The following R3HDM2 variants were observed in gnomAD, a reference collection of about 807,000 sequenced individuals.
The protein encoded by R3HDM2 is R3H domain-containing protein 2.
Under a neutral mutation model 124.5 loss-of-function variants are expected in R3HDM2, and 38 were observed. That is an observed-to-expected ratio of 0.31 (90% confidence interval 0.24 to 0.40). The LOEUF is 0.40. R3HDM2 is among the 10% of genes least tolerant of loss of function. The probability of loss-of-function intolerance (pLI) is 1.00; values close to 1 mark genes in which losing one functional copy is unlikely to be tolerated. For synonymous variants in R3HDM2, 391 were observed against 448.0 expected (o/e 0.87, Z 1.61); for missense variants, 869 against 1,236.9 (o/e 0.70, Z 4.46).
chr12:57,297,439 CAT>C, intron 7 of R3HDM2, 52 bp from the exon 8 acceptor site: 1 of 1,176,014 alleles, frequency 8.5e-7, no homozygotes, highest in Non-Finnish European at 1.2e-6. Context: ...GCAGCCCTCC[CAT>C]AGACATTGAA....
chr12:57,296,437 G>A lies in R3HDM2; in HGVS notation c.675C>T (p.Ile225=). The A allele has an allele frequency of 1.3e-6, 2 of 1,552,282 alleles. No individual in the cohort carries two copies. Among genetic ancestry groups the A allele is most frequent in the Non-Finnish European group, 8.7e-7 (1 of 1,147,122 alleles). ...TTCTTGTGTTACTAGTTTTGTTGAT[G>A]ATGACAGCTTTCCCAGTTTGATCAA... ...HNVDQTGKAV[I]INKTSNTRIP... The change falls in exon 9 of 24, where the codon ATC becomes ATT. Residue 225 remains isoleucine, a synonymous_variant. Transcript: ENST00000402412. The surrounding 1 kb of genome is among the most constrained non-coding windows in gnomAD (Gnocchi z 4.5).
At chr12:57,405,132 ATCT>A in intron 1 of R3HDM2, among the ~76,000 whole-genome samples, 1 of 152,102 alleles carries the variant, frequency 6.6e-6, no homozygotes, top group Non-Finnish European at 1.5e-5. Flanking sequence ...GGCTCGAGTA[ATCT>A]TCCCACCTCA....
At chr12:57,394,026 T>C (rs558783640) in intron 2 of R3HDM2, among the ~76,000 whole-genome samples, 1 of 151,950 alleles carries the variant, frequency 6.6e-6, no homozygotes, top group South Asian at 2.1e-4. Context: ...CTAGGCTGGG[T>C]GTGGTGGCTC....
chr12:57,424,820 TCAGATTCCCA>T (rs945919297), intron 1 of R3HDM2, among the ~76,000 whole-genome samples: 3 of 152,044 alleles, frequency 2.0e-5, no homozygotes, highest in Non-Finnish European at 2.9e-5. Flanking sequence ...TCCTCCCGCC[TCAGATTCCCA>T]AAGTGCTGCA....
intron 2 of R3HDM2, among the ~76,000 whole-genome samples, chr12:57,366,563 T>C (rs978802376): frequency 1.3e-5 from 2 of 152,220 alleles, no homozygotes; most frequent in African/African-American, 4.8e-5. Flanking sequence ...TTTGTCCTCA[T>C]TACGGACTGT....
intron 2 of R3HDM2, among the ~76,000 whole-genome samples, chr12:57,388,278 A>G (rs1361128775): frequency 1.3e-5 from 2 of 152,164 alleles, no homozygotes; most frequent in African/African-American, 4.8e-5. Flanking sequence ...ACACACCAAT[A>G]TTTAAAGGGA....
At chr12:57,368,464 G>C (rs2062917014) in intron 2 of R3HDM2, among the ~76,000 whole-genome samples, 2 of 152,126 alleles carry the variant, frequency 1.3e-5, no homozygotes, top group South Asian at 2.1e-4. Flanking sequence ...AGCCATGACA[G>C]ATAAGTCTAC....
chr12:57,309,937 C>A (rs2053565351), intron 3 of R3HDM2, among the ~76,000 whole-genome samples: 1 of 152,164 alleles, frequency 6.6e-6, no homozygotes, highest in Non-Finnish European at 1.5e-5. Context: ...GTTGGCCGGG[C>A]ACAGTGGCTC....
At chr12:57,405,376 T>C (rs1299009396) in intron 1 of R3HDM2, among the ~76,000 whole-genome samples, 1 of 152,222 alleles carries the variant, frequency 6.6e-6, no homozygotes, top group Admixed American at 6.5e-5. Flanking sequence ...CAGTGGCTCA[T>C]GCCTGTAATC....
chr12:57,272,675 T>A, intron 14 of R3HDM2: 1 of 564,052 alleles, frequency 1.8e-6, no homozygotes, highest in Non-Finnish European at 3.1e-6. Context: ...ACAATAAGGT[T>A]AATAATCATA....
chr12:57,313,497 A>C (rs1317346561), intron 2 of R3HDM2, among the ~76,000 whole-genome samples: 3 of 151,614 alleles, frequency 2.0e-5, no homozygotes, highest in Admixed American at 2.0e-4. Context: ...CCAGGAGGTC[A>C]AGGATGCATT....
chr12:57,379,651 G>A (rs1182392235), intron 2 of R3HDM2, among the ~76,000 whole-genome samples: 1 of 151,992 alleles, frequency 6.6e-6, no homozygotes, highest in Admixed American at 6.6e-5. Flanking sequence ...TTTCTTCACT[G>A]CTATATCCCT....
In R3HDM2 at chr12:57,310,369, T is replaced by A; in HGVS notation, c.60A>T (p.Lys20Asn). 6.5e-7 allele frequency: 1 copy of A among 1,547,628 alleles called. No individual in the cohort carries two copies. Among genetic ancestry groups the A allele is most frequent in the Non-Finnish European group, 8.7e-7 (1 of 1,144,474 alleles). Residue 20 changes from lysine to asparagine, a missense_variant, in exon 3 of 24, where the codon AAA becomes AAT. Lys to Asn is a moderately conservative substitution (Grantham distance 94). Transcript: ENST00000402412. Reference sequence around the variant, plus strand: ...TTTTGTTTACAGATTCTTCCACCAGTTTTTTTTCTGATTCTTTCATTATTT... The same window carrying A: ...TTTTGTTTACAGATTCTTCCACCAGATTTTTTTCTGATTCTTTCATTATTT... ...TLEIMKESEK[K>N]LVEESVNKNK...
intron 1 of R3HDM2, among the ~76,000 whole-genome samples, chr12:57,416,474 A>C (rs1322641327): frequency 6.6e-6 from 1 of 152,224 alleles, no homozygotes; most frequent in Non-Finnish European, 1.5e-5. Flanking sequence ...TGCCCAATAG[A>C]AACTTGCCCT....
chr12:57,311,228 T>G (rs2053839499), intron 2 of R3HDM2, among the ~76,000 whole-genome samples: 2 of 151,788 alleles, frequency 1.3e-5, no homozygotes, highest in Admixed American at 1.3e-4. Flanking sequence ...AAATCTTATA[T>G]ATATATATAT....
chr12:57,282,115 G>C (rs1234018206), intron 13 of R3HDM2, among the ~76,000 whole-genome samples: 2 of 152,012 alleles, frequency 1.3e-5, no homozygotes, highest in African/African-American at 2.4e-5. Flanking sequence ...TTTGAGACCA[G>C]CCTGGCCAAC....
intron 2 of R3HDM2, among the ~76,000 whole-genome samples, chr12:57,321,314 G>C (rs2056409704): frequency 1.3e-5 from 2 of 152,098 alleles, no homozygotes; most frequent in African/African-American, 4.8e-5. Flanking sequence ...AAGCATTTTG[G>C]GTAAAGGTTG....
intron 10 of R3HDM2, among the ~76,000 whole-genome samples, chr12:57,293,479 G>A (rs1045380327): frequency 6.6e-6 from 1 of 152,012 alleles, no homozygotes; most frequent in Non-Finnish European, 1.5e-5. Flanking sequence ...TCTAGAAAAT[G>A]TAGTGAGGTA....
At chr12:57,417,932 C>T (rs1288584672) in intron 1 of R3HDM2, among the ~76,000 whole-genome samples, 3 of 152,118 alleles carry the variant, frequency 2.0e-5, no homozygotes, top group South Asian at 2.1e-4. Context: ...TCCTGGGGCT[C>T]GATGTCAACT....
Sources: allele counts gnomAD v4.1 joint callset (sites outside exome capture counted in the v4.1 genomes callset), GRCh38; gene constraint gnomAD v4.1.1; non-coding constraint Gnocchi (gnomAD v3.1); transcripts MANE v1.5; gene names NCBI Gene and HGNC (gene_info 2026-07-23, HGNC 2026-07-21).